The following CPNE3 variants were observed in gnomAD, a reference collection of about 807,000 sequenced individuals.
CPNE3 encodes copine-3.
A neutral mutation model predicts 63.9 loss-of-function variants in CPNE3; 68 were observed. The ratio of observed to expected loss-of-function variants is 1.06; its 90% CI spans 0.87 to 1.30. The LOEUF (loss-of-function observed/expected upper bound fraction) is 1.30. CPNE3 is among the 50% of genes most tolerant of loss of function. CPNE3 has a pLI of 0.00. For synonymous variants in CPNE3, 219 were observed against 197.5 expected (o/e 1.11, Z -0.91); for missense variants, 665 against 578.1 (o/e 1.15, Z -1.54).
At chr8:86,539,479 A>C (rs1400655468) in intron 7 of CPNE3, among the ~76,000 whole-genome samples, 1 of 152,078 alleles carries the variant, frequency 6.6e-6, no homozygotes, top group Non-Finnish European at 1.5e-5. Context: ...ATTTGTGTTT[A>C]TCTGTTTATT....
At chr8:86,529,781 T>C (rs1820628456) in intron 4 of CPNE3, among the ~76,000 whole-genome samples, 1 of 152,196 alleles carries the variant, frequency 6.6e-6, no homozygotes, top group Admixed American at 6.5e-5. Flanking sequence ...ACCATTTGCA[T>C]AGACTGAAGA....
At chr8:86,523,117 C>G (rs1820470697) in intron 2 of CPNE3, among the ~76,000 whole-genome samples, 1 of 152,164 alleles carries the variant, frequency 6.6e-6, no homozygotes, top group Admixed American at 6.5e-5. Context: ...AAAATAATTG[C>G]TACAATTCAT....
At chr8:86,525,127 T>G (rs1298349206) in intron 2 of CPNE3, 1 of 152,284 alleles carries the variant, frequency 6.6e-6, no homozygotes, top group East Asian at 1.9e-4. Flanking sequence ...AATGCTGGGA[T>G]TACAGGTGTG....
At chr8:86,524,565 A>G (rs1820499136) in intron 2 of CPNE3, 1 of 152,140 alleles carries the variant, frequency 6.6e-6, no homozygotes, top group African/African-American at 2.4e-5. Flanking sequence ...AAGGAGTAAA[A>G]TACTACATAG....
intron 7 of CPNE3, among the ~76,000 whole-genome samples, 173 bp downstream of exon 7, chr8:86,537,819 G>A (rs879592625): frequency 3.3e-5 from 5 of 152,098 alleles, no homozygotes; most frequent in Non-Finnish European, 5.9e-5. Context: ...AGGTGCTACC[G>A]TACTTTATGA....
rs190294843 is a variant in CPNE3 at position 86,561,007 on chromosome 8, C to T, written c.*2597C>T. On this transcript the variant is annotated 3_prime_UTR_variant, in exon 17 of 17. Transcript: ENST00000517490. ...ATAATATACCAGCTAATCTAGTCAC[C>T]TAACCTTGTGGTTAGAATTGCAATT... The T allele has an allele frequency of 6.6e-6, 1 of 152,176 alleles. No individual in the cohort carries two copies. The highest frequency in any genetic ancestry group is 2.4e-5 in the African/African-American group (1 of 41,436). 9.4% of individuals were successfully genotyped at this position (152,176 alleles called of 1,614,324 possible).
At chr8:86,551,864 G>A (rs932462584) in intron 14 of CPNE3, among the ~76,000 whole-genome samples, 1 of 152,132 alleles carries the variant, frequency 6.6e-6, no homozygotes, top group African/African-American at 2.4e-5. Context: ...TCGCTATGTT[G>A]GCCAGGCTGG....
intron 2 of CPNE3, among the ~76,000 whole-genome samples, chr8:86,519,697 T>A (rs967501845): frequency 2.6e-5 from 4 of 152,102 alleles, no homozygotes; most frequent in Admixed American, 2.0e-4. Context: ...TCTAGATACA[T>A]TTTTTTCAGA....
Position 86,544,854 on chromosome 8 carries a change from G to T in CPNE3, c.732+16G>T. ...AAGCTCACCTGTAAGTTACATCCTT[G>T]CATTTGCATATACTTTATAGTTTGG... On this transcript the variant is annotated intron_variant, in intron 9 of 16. Coordinates refer to ENST00000517490, the MANE Select transcript of CPNE3 (RefSeq NM_003909.5). 1 of 1,441,156 alleles carries T rather than the reference G, an allele frequency of 6.9e-7. No homozygotes were observed. The highest frequency in any genetic ancestry group is 9.6e-7 in the Non-Finnish European group (1 of 1,046,322). 89.3% of individuals were successfully genotyped at this position (1,441,156 alleles called of 1,614,324 possible).
chr8:86,558,193 C>A, intron 16 of CPNE3, 95 bp from the exon 17 acceptor site: 1 of 815,952 alleles, frequency 1.2e-6, no homozygotes, highest in Non-Finnish European at 2.1e-6. Context: ...AGAATTGCTT[C>A]ATTTTAGTGG....
intron 9 of CPNE3, among the ~76,000 whole-genome samples, chr8:86,546,165 A>AT (rs946502106): frequency 6.0e-5 from 9 of 150,942 alleles, no homozygotes; most frequent in South Asian, 4.2e-4. Flanking sequence ...TTATGATGTT[A>AT]TTTTTTTTTC....
At chr8:86,540,444 C>T in intron 8 of CPNE3, 110 bp downstream of exon 8, 2 of 455,626 alleles carry the variant, frequency 4.4e-6, no homozygotes, top group South Asian at 1.3e-4. Context: ...TGTAAGACAC[C>T]TACAGAGTTA....
intron 10 of CPNE3, 182 bp from the exon 11 acceptor site, chr8:86,547,529 A>G (rs951245586): frequency 1.9e-6 from 1 of 530,258 alleles, no homozygotes; most frequent in African/African-American, 2.0e-5. Context: ...ATCTTGAAGC[A>G]GAATTTTACA....
At chr8:86,555,763 C>G (rs1242567548) in intron 15 of CPNE3, among the ~76,000 whole-genome samples, 1 of 151,982 alleles carries the variant, frequency 6.6e-6, no homozygotes, top group South Asian at 2.1e-4. Context: ...ATGAAGTTTC[C>G]ACTTGCCTCC....
chr8:86,552,585 C>T (rs972546175), intron 14 of CPNE3, among the ~76,000 whole-genome samples: 2 of 151,968 alleles, frequency 1.3e-5, no homozygotes, highest in African/African-American at 4.8e-5. Flanking sequence ...AAGTGGTTTA[C>T]ACTCTGGAAA....
At chr8:86,537,339 T>C (rs1484816681) in intron 6 of CPNE3, among the ~76,000 whole-genome samples, 1 of 152,226 alleles carries the variant, frequency 6.6e-6, no homozygotes, top group Admixed American at 6.5e-5. Context: ...AGTCAGGGTA[T>C]GATATACAGG....
rs532898135 is a variant in CPNE3 at position 86,555,876 on chromosome 8, T to A, written c.1255-226T>A. On this transcript the variant is annotated intron_variant, in intron 15 of 16. Coordinates refer to ENST00000517490, the MANE Select transcript of CPNE3 (RefSeq NM_003909.5). ...CATTTAGATGTCCTGCTTCCATATATTTTGCCAACCCTATTTTGTGGTCTG... is the reference window on the plus strand; with the variant it reads ...CATTTAGATGTCCTGCTTCCATATAATTTGCCAACCCTATTTTGTGGTCTG... Among the ~76,000 whole-genome samples the A allele has an allele frequency of 6.9e-4, 105 of 152,332 alleles. 1 individual carries two copies. The highest frequency in any genetic ancestry group is 2.5e-3 in the African/African-American group (104 of 41,580).
chr8:86,528,534 A>G lies in CPNE3; in HGVS notation c.-10-2A>G, dbSNP rs1362830979. ...GCTTTCTCTTTTTATTGGTTTTCTC[A>G]GAACTCAAGACATGGCTGCCCAGTG... is the stretch of plus-strand genomic sequence containing the variant. On this transcript the variant is annotated splice_acceptor_variant, in intron 2 of 16. Transcript: ENST00000517490. LOFTEE classifies it low-confidence loss of function (5UTR_SPLICE). 3 of 1,612,056 alleles carry G rather than the reference A, an allele frequency of 1.9e-6. No individual in the cohort carries two copies. Among genetic ancestry groups the G allele is most frequent in the Non-Finnish European group, 2.5e-6 (3 of 1,179,544 alleles).
chr8:86,554,322 G>A (rs1821263017), intron 14 of CPNE3, among the ~76,000 whole-genome samples: 1 of 152,130 alleles, frequency 6.6e-6, no homozygotes, highest in Non-Finnish European at 1.5e-5. Context: ...TGAATATTTG[G>A]AACTAATGCA....
Sources: gnomAD v4.1 joint callset for allele counts (sites outside exome capture counted in the v4.1 genomes callset) on GRCh38, gnomAD v4.1.1 for gene constraint, MANE v1.5 for transcripts, NCBI Gene and HGNC (gene_info 2026-07-23, HGNC 2026-07-21) for gene names.